The following PRKD1 variants were observed in gnomAD, a reference collection of about 807,000 sequenced individuals.
PRKD1 encodes the protein serine/threonine-protein kinase D1.
PRKD1 carries 63 observed loss-of-function variants against 95.9 expected under a neutral mutation model. The ratio of observed to expected loss-of-function variants is 0.66; its 90% confidence interval spans 0.54 to 0.81. The LOEUF is 0.81. PRKD1 is among the 30% of genes least tolerant of loss of function. The probability of loss-of-function intolerance (pLI) is 0.00; values close to 1 mark genes in which losing one functional copy is unlikely to be tolerated. For synonymous variants in PRKD1, 425 were observed against 423.1 expected, an observed-to-expected ratio of 1.00 and a Z score of -0.05; for missense variants, 1,048 against 1,165.3, an observed-to-expected ratio of 0.90 and a Z score of 1.47.
chr14:29,738,001 C>T (rs983468890), intron 1 of PRKD1, among the ~76,000 whole-genome samples: 7 of 151,932 alleles, frequency 4.6e-5, no homozygotes, highest in African/African-American at 1.7e-4. Context: ...GTTGTAACAA[C>T]AAAAAATGTA....
At chr14:29,907,215 C>T (rs1894525558) in intron 1 of PRKD1, among the ~76,000 whole-genome samples, 1 of 152,316 alleles carries the variant, frequency 6.6e-6, no homozygotes, top group African/African-American at 2.4e-5. Flanking sequence ...ATCTCCGGGG[C>T]TTCTGTTTGT....
chr14:29,876,573 T>C (rs956863316), intron 1 of PRKD1, among the ~76,000 whole-genome samples: 1 of 151,882 alleles, frequency 6.6e-6, no homozygotes, highest in Admixed American at 6.6e-5. Context: ...CATCAAAATT[T>C]AAATTTCTGT....
intron 1 of PRKD1, among the ~76,000 whole-genome samples, chr14:29,777,674 G>C (rs1399609890): frequency 6.6e-6 from 1 of 152,144 alleles, no homozygotes; most frequent in East Asian, 1.9e-4. Context: ...AAGAGACTTA[G>C]ACTCCCACAC....
intron 1 of PRKD1, among the ~76,000 whole-genome samples, chr14:29,828,887 T>G (rs1177676159): frequency 6.6e-6 from 1 of 152,188 alleles, no homozygotes; most frequent in East Asian, 1.9e-4. Flanking sequence ...CTTCAGCCGA[T>G]AGAATGCAGT....
chr14:29,761,745 A>T (rs1385134026), intron 1 of PRKD1, among the ~76,000 whole-genome samples: 1 of 151,690 alleles, frequency 6.6e-6, no homozygotes, highest in African/African-American at 2.4e-5. Context: ...ACCCTTTAAT[A>T]GGAGAAGTGG....
intron 1 of PRKD1, among the ~76,000 whole-genome samples, chr14:29,863,500 T>C (rs760983486): frequency 2.6e-5 from 4 of 152,160 alleles, no homozygotes; most frequent in Non-Finnish European, 4.4e-5. Context: ...AATCTCTCAC[T>C]CTACTTTGTT....
intron 16 of PRKD1, among the ~76,000 whole-genome samples, chr14:29,583,546 G>T (rs567470108): frequency 1.3e-5 from 2 of 152,126 alleles, no homozygotes; most frequent in African/African-American, 2.4e-5. Flanking sequence ...ATTCTGGGGG[G>T]TGAGTCTTTC....
At chr14:29,909,403 G>A (rs997379010) in intron 1 of PRKD1, among the ~76,000 whole-genome samples, 4 of 151,836 alleles carry the variant, frequency 2.6e-5, no homozygotes, top group East Asian at 3.9e-4. Flanking sequence ...GTGGGCACAC[G>A]GTGCAGGACT....
chr14:29,780,743 G>T (rs1439593933), intron 1 of PRKD1, among the ~76,000 whole-genome samples: 1 of 152,128 alleles, frequency 6.6e-6, no homozygotes, highest in African/African-American at 2.4e-5. Context: ...ATTTCTCAAG[G>T]ATCTAGAACT....
In PRKD1 at chr14:29,627,842, C is replaced by T. The variant is rs17091469; in HGVS notation, c.1725+1199G>A. On this transcript the variant is annotated intron_variant, in intron 11 of 17. Transcript: ENST00000331968. ...CAAAGTCCCCACAGGATGAGTTCAA[C>T]GCTGTCTAGGGACAAGACAAGTAAT... is the stretch of plus-strand genomic sequence containing the variant. 3.6e-4 allele frequency among the ~76,000 whole-genome samples: 55 copies of T among 152,284 alleles called. 1 individual carries two copies. Among genetic ancestry groups the T allele is most frequent in the African/African-American group, 1.2e-3 (49 of 41,546 alleles).
At chr14:29,859,498 C>T (rs996311583) in intron 1 of PRKD1, among the ~76,000 whole-genome samples, 7 of 151,698 alleles carry the variant, frequency 4.6e-5, no homozygotes, top group African/African-American at 1.5e-4. Flanking sequence ...GTCCCAGATA[C>T]TCAGGAGGCT....
chr14:29,877,537 G>C (rs550980734), intron 1 of PRKD1, among the ~76,000 whole-genome samples: 3 of 152,286 alleles, frequency 2.0e-5, no homozygotes, highest in Non-Finnish European at 4.4e-5. Flanking sequence ...GATTGCTGCT[G>C]GCATGTTTGT....
intron 13 of PRKD1, among the ~76,000 whole-genome samples, chr14:29,606,935 T>C (rs1222988462): frequency 6.6e-6 from 1 of 152,246 alleles, no homozygotes. Context: ...GAATTCCAGC[T>C]CTGCCTCTTC....
At chr14:29,591,078 CT>C (rs1451998941) in intron 16 of PRKD1, 1 of 152,186 alleles carries the variant, frequency 6.6e-6, no homozygotes, top group Non-Finnish European at 1.5e-5. Flanking sequence ...CGCCTGGCCC[CT>C]GCATTCCTTT....
intron 1 of PRKD1, among the ~76,000 whole-genome samples, chr14:29,817,927 A>G (rs1278523348): frequency 6.6e-6 from 1 of 152,240 alleles, no homozygotes; most frequent in East Asian, 1.9e-4. Flanking sequence ...TTTGTCTTCC[A>G]AACACAAATG....
At chr14:29,628,448 T>TA (rs1879771124) in intron 11 of PRKD1, among the ~76,000 whole-genome samples, 1 of 152,148 alleles carries the variant, frequency 6.6e-6, no homozygotes, top group Non-Finnish European at 1.5e-5. Flanking sequence ...TGACGGACTG[T>TA]AAAATATTTC....
chr14:29,688,755 A>C (rs1401896106), intron 2 of PRKD1, among the ~76,000 whole-genome samples: 1 of 151,936 alleles, frequency 6.6e-6, no homozygotes, highest in African/African-American at 2.4e-5. Flanking sequence ...AACACGGTGA[A>C]ACCTCATCTC....
chr14:29,914,494 C>T (rs1236621548), intron 1 of PRKD1, among the ~76,000 whole-genome samples: 2 of 152,206 alleles, frequency 1.3e-5, no homozygotes, highest in Non-Finnish European at 2.9e-5. Flanking sequence ...GTGGCTCACG[C>T]CTGTAATCTC....
Position 29,577,528 on chromosome 14 carries a change from T to G in PRKD1, c.2521-72A>C. 3.5e-6 allele frequency: 5 copies of G among 1,431,944 alleles called. No homozygotes were observed. The South Asian group carries it at 4.7e-5, about 13-fold the overall frequency. The allele number at this position is 1,431,944 out of a possible 1,614,324, so 88.7% of individuals were successfully genotyped here. ...AACATACTGTTTCATATGATGTCAG[T>G]TTCTGCAATCTATGAGTTACCCTTC... On this transcript the variant is annotated intron_variant, in intron 17 of 17. Coordinates refer to ENST00000331968, the MANE Select transcript of PRKD1 (RefSeq NM_002742.3).
Sources: gnomAD v4.1 joint callset for allele counts (sites outside exome capture counted in the v4.1 genomes callset) on GRCh38, gnomAD v4.1.1 for gene constraint, MANE v1.5 for transcripts, NCBI Gene and HGNC (gene_info 2026-07-23, HGNC 2026-07-21) for gene names.